SVEP1: variants seen among roughly 807,000 people sequenced by gnomAD.
SVEP1 encodes sushi, von Willebrand factor type A, EGF and pentraxin domain-containing protein 1.
Under a neutral mutation model 367.3 loss-of-function variants are expected in SVEP1, and 164 were observed. The observed-to-expected ratio is 0.45, with a 90% CI of 0.39 to 0.51. The LOEUF (loss-of-function observed/expected upper bound fraction) is 0.51. SVEP1 is among the 20% of genes least tolerant of loss of function. The pLI, the probability that SVEP1 is intolerant of heterozygous loss-of-function variation, is 0.00. For missense variants in SVEP1, 4,117 were observed against 4,425.3 expected (o/e 0.93, Z 1.98); for synonymous variants, 1,666 against 1,611.6 (o/e 1.03, Z -0.81).
intron 1 of SVEP1, among the ~76,000 whole-genome samples, chr9:110,571,211 C>T (rs917215587): frequency 3.3e-5 from 5 of 151,798 alleles, no homozygotes; most frequent in Admixed American, 3.3e-4. Flanking sequence ...TCAGGTGATC[C>T]ACCTGCCTCA....
chr9:110,371,599 G>A (rs559397124), intron 46 of SVEP1, among the ~76,000 whole-genome samples: 2 of 152,098 alleles, frequency 1.3e-5, no homozygotes, highest in East Asian at 1.9e-4. Context: ...CAGACTCAGC[G>A]TGTCCATACT....
chr9:110,530,049 G>C (rs1018294313), intron 3 of SVEP1, among the ~76,000 whole-genome samples: 46 of 152,032 alleles, frequency 3.0e-4, no homozygotes, highest in African/African-American at 1.1e-3. Flanking sequence ...TGTTTGCTGA[G>C]GGTTATTATT....
At chr9:110,578,773 C>G (rs1207149684) in intron 1 of SVEP1, among the ~76,000 whole-genome samples, 1 of 152,132 alleles carries the variant, frequency 6.6e-6, no homozygotes, top group Non-Finnish European at 1.5e-5. Flanking sequence ...ACAGGGTCCT[C>G]GAAGCCGACT....
intron 1 of SVEP1, among the ~76,000 whole-genome samples, chr9:110,552,005 T>A (rs1199359770): frequency 6.8e-6 from 1 of 146,038 alleles, no homozygotes; most frequent in African/African-American, 2.5e-5. Flanking sequence ...CAGCGGACAA[T>A]AGAGCAGTGG....
chr9:110,438,968 C>G (rs1044456705), intron 27 of SVEP1, among the ~76,000 whole-genome samples: 37 of 152,300 alleles, frequency 2.4e-4, no homozygotes, highest in African/African-American at 8.4e-4. Context: ...AAACCATATA[C>G]ACAATCTTTT....
intron 40 of SVEP1, among the ~76,000 whole-genome samples, chr9:110,400,226 C>G (rs1189571022): frequency 1.8e-4 from 28 of 152,188 alleles, no homozygotes. Context: ...CGGTGGACTT[C>G]CCTGTTGCAG....
At chr9:110,572,595 C>T (rs571577180) in intron 1 of SVEP1, among the ~76,000 whole-genome samples, 3 of 152,196 alleles carry the variant, frequency 2.0e-5, no homozygotes, top group South Asian at 2.1e-4. Context: ...GGCACAGTGA[C>T]GCACACCTGT....
intron 47 of SVEP1, among the ~76,000 whole-genome samples, chr9:110,368,392 C>A (rs1827229458): frequency 1.3e-5 from 2 of 152,254 alleles, no homozygotes; most frequent in South Asian, 4.1e-4. Context: ...GTTAGCCTTC[C>A]CTTGAAGGTG....
chr9:110,534,874 T>A (rs557676204), intron 3 of SVEP1, among the ~76,000 whole-genome samples: 174 of 152,280 alleles, frequency 1.1e-3, no homozygotes, highest in African/African-American at 4.0e-3. Flanking sequence ...GGTTGCTTTT[T>A]TTCTTGTAAA....
intron 46 of SVEP1, among the ~76,000 whole-genome samples, chr9:110,373,847 T>C (rs2118941306): frequency 6.6e-6 from 1 of 152,232 alleles, no homozygotes; most frequent in Admixed American, 6.5e-5. Context: ...CAAAGTATAG[T>C]GGGCCAAATG....
intron 18 of SVEP1, among the ~76,000 whole-genome samples, chr9:110,464,179 A>C (rs1031551254): frequency 2.0e-5 from 3 of 152,172 alleles, no homozygotes; most frequent in African/African-American, 7.2e-5. Context: ...TCTCTAGCAG[A>C]TCTATTTCAA....
rs1279606727 is a variant in SVEP1, at chr9:110,528,072, A to ATG, written c.965-13968_965-13967dup. The stretch of plus-strand genomic sequence containing the variant: ...ATGGCTGAATAGTATTCCATGGTGT[A>ATG]TGTATATATATATATACACACACAC... On this transcript the variant is annotated intron_variant, in intron 3 of 47. Coordinates refer to ENST00000374469, the MANE Select transcript of SVEP1 (RefSeq NM_153366.4). 1.5e-4 allele frequency among the ~76,000 whole-genome samples: 11 copies of ATG among 72,282 alleles called. 1 individual carries two copies. Among genetic ancestry groups the ATG allele is most frequent in the African/African-American group, 4.9e-4 (11 of 22,336 alleles). 47.4% of individuals were successfully genotyped at this position (72,282 alleles called of 152,430 possible). A position where few individuals can be genotyped will look rare whatever the true frequency, so the allele number is the denominator to read the frequency against.
At chr9:110,510,813 C>T (rs1829699308) in intron 5 of SVEP1, among the ~76,000 whole-genome samples, 1 of 152,200 alleles carries the variant, frequency 6.6e-6, no homozygotes, top group East Asian at 1.9e-4. Flanking sequence ...TTACACAGAA[C>T]TTAGAACTAT....
At chr9:110,458,348 A>G in intron 20 of SVEP1, 123 bp downstream of exon 20, 1 of 778,356 alleles carries the variant, frequency 1.3e-6, no homozygotes, top group Non-Finnish European at 2.0e-6. Flanking sequence ...TTCATTTATA[A>G]AATTCATACA....
In SVEP1 at chr9:110,398,857, G is replaced by A. The variant is rs553182055; in HGVS notation, c.9822+1997C>T. ...AAGTCAGGAAACAACAGGTGCTAGA[G>A]AGGATGTGGAGAAATAGGAACACTT... On this transcript the variant is annotated intron_variant, in intron 40 of 47. Coordinates refer to ENST00000374469, the MANE Select transcript of SVEP1 (RefSeq NM_153366.4). 2.6e-5 allele frequency among the ~76,000 whole-genome samples: 4 copies of A among 152,350 alleles called. No homozygotes were observed. The South Asian group carries it at 6.2e-4, about 24-fold the overall frequency.
chr9:110,558,907 A>C (rs1830388377), intron 1 of SVEP1, among the ~76,000 whole-genome samples: 1 of 152,136 alleles, frequency 6.6e-6, no homozygotes, highest in Admixed American at 6.6e-5. Flanking sequence ...ATATATTAAA[A>C]TTGGAAAGTC....
chr9:110,499,986 C>A (rs1375907232), intron 6 of SVEP1, among the ~76,000 whole-genome samples: 3 of 152,168 alleles, frequency 2.0e-5, no homozygotes, highest in Non-Finnish European at 4.4e-5. Context: ...AGGCATTATT[C>A]TAAGCACTTT....
chr9:110,525,854 T>A (rs1002658478), intron 3 of SVEP1, among the ~76,000 whole-genome samples: 31 of 152,078 alleles, frequency 2.0e-4, no homozygotes, highest in African/African-American at 7.5e-4. Context: ...GGTATACGTG[T>A]ACCATGGTGG....
intron 44 of SVEP1, among the ~76,000 whole-genome samples, chr9:110,378,008 C>T (rs546518731): frequency 3.9e-5 from 6 of 152,246 alleles, no homozygotes; most frequent in African/African-American, 1.4e-4. Flanking sequence ...AGCATGATGT[C>T]CTCCAGGTTA....
Sources: allele counts gnomAD v4.1 joint callset (sites outside exome capture counted in the v4.1 genomes callset), GRCh38; gene constraint gnomAD v4.1.1; transcripts MANE v1.5; gene names NCBI Gene and HGNC (gene_info 2026-07-23, HGNC 2026-07-21).